MACROD2: variants seen among roughly 807,000 people sequenced by gnomAD.
MACROD2 encodes ADP-ribose glycohydrolase MACROD2.
MACROD2 carries 36 observed loss-of-function variants against 70.4 expected under a neutral mutation model. That is an observed-to-expected ratio of 0.51 (90% confidence interval 0.39 to 0.68). MACROD2 has a LOEUF of 0.68. Among genes scored for constraint, MACROD2 ranks in the 30% least tolerant of loss-of-function variants. The probability of loss-of-function intolerance (pLI) is 0.00; values close to 1 mark genes in which losing one functional copy is unlikely to be tolerated. For synonymous variants in MACROD2, 172 were observed against 178.8 expected (o/e 0.96, Z 0.30); for missense variants, 496 against 538.4 (o/e 0.92, Z 0.78).
chr20:14,146,297 C>T (rs1311301522), intron 3 of MACROD2, among the ~76,000 whole-genome samples: 4 of 151,706 alleles, frequency 2.6e-5, no homozygotes, highest in African/African-American at 7.3e-5. Flanking sequence ...CCAGCCTGGG[C>T]GACAGAGCGA....
At chr20:15,345,871 G>T (rs2078160190) in intron 6 of MACROD2, among the ~76,000 whole-genome samples, 1 of 152,144 alleles carries the variant, frequency 6.6e-6, no homozygotes, top group Admixed American at 6.5e-5. Flanking sequence ...TAGGCATCCA[G>T]AAACCAGACT....
At chr20:14,823,703 G>A (rs924769179) in intron 5 of MACROD2, among the ~76,000 whole-genome samples, 1 of 152,110 alleles carries the variant, frequency 6.6e-6, no homozygotes, top group Non-Finnish European at 1.5e-5. Context: ...CCTTGCTGAC[G>A]GGAAGGCTTG....
intron 8 of MACROD2, among the ~76,000 whole-genome samples, chr20:15,859,369 A>C (rs370734630): frequency 6.6e-6 from 1 of 152,182 alleles, no homozygotes; most frequent in East Asian, 1.9e-4. Context: ...TGTGTTGCTC[A>C]AGGAATAACT....
At chr20:15,658,215 C>T in intron 8 of MACROD2, among the ~76,000 whole-genome samples, 1 of 140,568 alleles carries the variant, frequency 7.1e-6, no homozygotes, top group South Asian at 2.3e-4. Context: ...TTTTTCTTTT[C>T]TCTCTCTCTC....
At chr20:14,940,171 A>AG (rs2074377910) in intron 5 of MACROD2, among the ~76,000 whole-genome samples, 1 of 149,186 alleles carries the variant, frequency 6.7e-6, no homozygotes. Context: ...AAAAAAAAAA[A>AG]AAAAATTAAA....
At chr20:15,754,871 T>A (rs867249306) in intron 8 of MACROD2, among the ~76,000 whole-genome samples, 2 of 151,770 alleles carry the variant, frequency 1.3e-5, no homozygotes, top group African/African-American at 4.8e-5. Flanking sequence ...CTGGGTTTTT[T>A]TTTTTGCAAT....
At chr20:15,543,725 A>G (rs1178911532) in intron 8 of MACROD2, among the ~76,000 whole-genome samples, 1 of 152,244 alleles carries the variant, frequency 6.6e-6, no homozygotes, top group Non-Finnish European at 1.5e-5. Context: ...CTATGGGACT[A>G]TAGTTCAGGC....
At chr20:14,572,350 C>A (rs991085165) in intron 4 of MACROD2, among the ~76,000 whole-genome samples, 7 of 151,986 alleles carry the variant, frequency 4.6e-5, no homozygotes, top group Admixed American at 1.3e-4. Flanking sequence ...ATTAGTGTAA[C>A]CACTTTGGAA....
chr20:14,880,527 G>A (rs888970738), intron 5 of MACROD2, among the ~76,000 whole-genome samples: 1 of 152,112 alleles, frequency 6.6e-6, no homozygotes, highest in Non-Finnish European at 1.5e-5. Context: ...GTACCTAATT[G>A]CATCTGACAT....
At chr20:14,439,342 C>T (rs898314883) in intron 3 of MACROD2, among the ~76,000 whole-genome samples, 10 of 152,072 alleles carry the variant, frequency 6.6e-5, no homozygotes, top group Middle Eastern at 3.4e-3. Flanking sequence ...TGCCTCTAAC[C>T]GTATTTTTCT....
At chr20:14,147,910 G>GAA (rs201465040) in intron 3 of MACROD2, among the ~76,000 whole-genome samples, 18 of 150,070 alleles carry the variant, frequency 1.2e-4, no homozygotes, top group Non-Finnish European at 2.4e-4. Flanking sequence ...TACAGTGTCT[G>GAA]AAAAAAAAAG....
At chr20:14,941,827 A>G (rs2074392512) in intron 5 of MACROD2, among the ~76,000 whole-genome samples, 1 of 151,020 alleles carries the variant, frequency 6.6e-6, no homozygotes, top group South Asian at 2.1e-4. Context: ...TGTATCACTC[A>G]GGCTGGAATG....
intron 8 of MACROD2, among the ~76,000 whole-genome samples, chr20:15,711,090 C>A (rs367877794): frequency 6.6e-6 from 1 of 152,200 alleles, no homozygotes; most frequent in Middle Eastern, 3.4e-3. Context: ...TTTCCTGCTC[C>A]GGTGTCCCCG....
At chr20:15,299,366 T>A (rs2077620960) in intron 6 of MACROD2, among the ~76,000 whole-genome samples, 1 of 152,200 alleles carries the variant, frequency 6.6e-6, no homozygotes, top group African/African-American at 2.4e-5. Context: ...TGGCTACTGG[T>A]AACAAATCTT....
chr20:14,182,642 T>TGG (rs2081313890), intron 3 of MACROD2, among the ~76,000 whole-genome samples: 1 of 152,194 alleles, frequency 6.6e-6, no homozygotes, highest in Non-Finnish European at 1.5e-5. Flanking sequence ...TTTAGGTCTT[T>TGG]GGTCTGTCTT....
chr20:14,033,211 T>A (rs1457176151), intron 2 of MACROD2, among the ~76,000 whole-genome samples: 2 of 151,928 alleles, frequency 1.3e-5, no homozygotes, highest in East Asian at 3.9e-4. Flanking sequence ...TGATTAAAAA[T>A]TCTGTGTTAG....
At chr20:15,631,280 G>T (rs1047135289) in intron 8 of MACROD2, among the ~76,000 whole-genome samples, 1 of 152,174 alleles carries the variant, frequency 6.6e-6, no homozygotes, top group African/African-American at 2.4e-5. Flanking sequence ...CCATCTGCGT[G>T]TTCCACTGGA....
At chr20:14,409,147 C>CTTTTT (rs11425504) in intron 3 of MACROD2, among the ~76,000 whole-genome samples, 1 of 127,586 alleles carries the variant, frequency 7.8e-6, no homozygotes, top group African/African-American at 2.9e-5. Context: ...TCTGTTTTGG[C>CTTTTT]TTTTTTTTTT....
At chr20:14,505,615 T>C (rs1341771542) in intron 4 of MACROD2, among the ~76,000 whole-genome samples, 3 of 152,230 alleles carry the variant, frequency 2.0e-5, no homozygotes, top group Admixed American at 1.3e-4. Context: ...CAGAATTGCT[T>C]GGAGGGCTTG....
Sources: gnomAD v4.1 joint callset for allele counts (sites outside exome capture counted in the v4.1 genomes callset) on GRCh38, gnomAD v4.1.1 for gene constraint, MANE v1.5 for transcripts, NCBI Gene and HGNC (gene_info 2026-07-23, HGNC 2026-07-21) for gene names.